Variants in CYFIP2 observed in about 807,000 individuals in gnomAD.
CYFIP2 encodes the protein cytoplasmic FMR1 interacting protein 2.
A neutral mutation model predicts 158.7 loss-of-function variants in CYFIP2; 29 were observed. The observed-to-expected ratio is 0.18, with a 90% CI of 0.14 to 0.25. CYFIP2 has a LOEUF of 0.25. Among genes scored for constraint, CYFIP2 ranks in the 10% least tolerant of loss-of-function variants. The pLI, the probability that CYFIP2 is intolerant of heterozygous loss-of-function variation, is 1.00. For missense variants in CYFIP2, 852 were observed against 1,639.5 expected (o/e 0.52, Z 8.29); for synonymous variants, 585 against 617.6 (o/e 0.95, Z 0.78).
intron 26 of CYFIP2, among the ~76,000 whole-genome samples, chr5:157,369,149 T>G (rs891819410): frequency 3.3e-5 from 5 of 152,118 alleles, no homozygotes; most frequent in Non-Finnish European, 7.4e-5. Context: ...CCACCTGCCT[T>G]GGCCTCCCAA....
At chr5:157,376,218 C>T (rs146434381) in intron 26 of CYFIP2, 1,977 of 152,432 alleles carry the variant, frequency 0.013, 23 homozygotes, top group Non-Finnish European at 0.015. Context: ...CTGCAAGGAA[C>T]TTGGTGGTGT....
intron 23 of CYFIP2, among the ~76,000 whole-genome samples, chr5:157,350,402 A>G (rs1489652339): frequency 6.6e-6 from 1 of 151,802 alleles, no homozygotes; most frequent in Non-Finnish European, 1.5e-5. Flanking sequence ...CCCGCTTTAT[A>G]TTTTTGTTTG....
Position 157,394,674 on chromosome 5 carries a change from G to A in CYFIP2, c.*1674G>A, listed in dbSNP as rs538482518. Reference sequence around the variant, plus strand: ...ACATCAATGTTTGGGAACCACTGCTGTAAGGGAATCATTCTGGTCACCTTG... The same window carrying A: ...ACATCAATGTTTGGGAACCACTGCTATAAGGGAATCATTCTGGTCACCTTG... On this transcript the variant is annotated 3_prime_UTR_variant, in exon 31 of 31. Transcript: ENST00000620254. 1.6e-3 allele frequency: 239 copies of A among 152,328 alleles called. 1 individual carries two copies. Among genetic ancestry groups the A allele is most frequent in the Non-Finnish European group, 3.2e-3 (217 of 68,046 alleles). 9.4% of individuals were successfully genotyped at this position (152,328 alleles called of 1,614,324 possible). A position where few individuals can be genotyped will look rare whatever the true frequency, so the allele number is the denominator to read the frequency against.
At chr5:157,304,472 T>A (rs1759049321) in intron 8 of CYFIP2, 106 bp downstream of exon 8, 1 of 1,325,520 alleles carries the variant, frequency 7.5e-7, no homozygotes, top group African/African-American at 1.5e-5. Flanking sequence ...TCTTAAACAT[T>A]GATACAGATC....
chr5:157,341,029 A>T, intron 22 of CYFIP2, 41 bp from the exon 23 acceptor site: 1 of 1,558,148 alleles, frequency 6.4e-7, no homozygotes, highest in Non-Finnish European at 8.9e-7. Flanking sequence ...GAATAATATT[A>T]GGACCATATT....
At chr5:157,291,712 C>G (rs1035291751) in intron 3 of CYFIP2, among the ~76,000 whole-genome samples, 2 of 152,160 alleles carry the variant, frequency 1.3e-5, no homozygotes, top group African/African-American at 2.4e-5. Context: ...TTAAAGTTCT[C>G]TAAATTAATC....
At chr5:157,313,932 T>TA (rs1175415351) in intron 11 of CYFIP2, among the ~76,000 whole-genome samples, 1 of 152,076 alleles carries the variant, frequency 6.6e-6, no homozygotes, top group Non-Finnish European at 1.5e-5. Context: ...GATTGCTTTG[T>TA]AAAAAATATT....
At chr5:157,357,265 T>G (rs1763474628) in intron 23 of CYFIP2, among the ~76,000 whole-genome samples, 2 of 152,248 alleles carry the variant, frequency 1.3e-5, no homozygotes, top group Non-Finnish European at 2.9e-5. Flanking sequence ...GATGCTTGTT[T>G]TGTAAAGTTT....
chr5:157,369,031 T>C (rs1354320387), intron 26 of CYFIP2, among the ~76,000 whole-genome samples: 1 of 151,896 alleles, frequency 6.6e-6, no homozygotes, highest in Non-Finnish European at 1.5e-5. Context: ...CCCAAGTAGC[T>C]GGGATCACAA....
intron 23 of CYFIP2, among the ~76,000 whole-genome samples, 187 bp from the exon 24 acceptor site, chr5:157,358,818 G>A (rs1204073187): frequency 3.9e-5 from 6 of 152,136 alleles, no homozygotes; most frequent in East Asian, 1.9e-4. Flanking sequence ...GTGACTGTGC[G>A]CCATCCTGTA....
At chr5:157,374,097 A>T (rs1765241220) in intron 26 of CYFIP2, among the ~76,000 whole-genome samples, 1 of 152,230 alleles carries the variant, frequency 6.6e-6, no homozygotes, top group Non-Finnish European at 1.5e-5. Flanking sequence ...AATCAAGAAC[A>T]GCAGATTTGT....
rs556705733 is a variant in CYFIP2, at chr5:157,337,185, C to T, written c.2386-1872C>T. On this transcript the variant is annotated intron_variant, in intron 21 of 30. Transcript: ENST00000620254. ...AGTGAATCAGAATAAAGACATATTC[C>T]AGCTAGCCAGGCCCCCAAGAGACAG... Among the ~76,000 whole-genome samples, 61 of 152,268 alleles carry T rather than the reference C, an allele frequency of 4.0e-4. 1 individual carries two copies. The highest frequency in any genetic ancestry group is 1.4e-3 in the African/African-American group (57 of 41,542).
At chr5:157,384,177 CGAT>C (rs774570942) in intron 28 of CYFIP2, 1 of 410,704 alleles carries the variant, frequency 2.4e-6, no homozygotes, top group Non-Finnish European at 4.9e-6. Flanking sequence ...GTACGAGTCA[CGAT>C]GAACATCAAG....
intron 26 of CYFIP2, among the ~76,000 whole-genome samples, 171 bp from the exon 27 acceptor site, chr5:157,382,419 A>T (rs1766217022): frequency 6.6e-6 from 1 of 152,232 alleles, no homozygotes; most frequent in Non-Finnish European, 1.5e-5. Context: ...TTTTGCAGAT[A>T]GATAAAAAGA....
At position 157,395,574 on chromosome 5, in the gene CYFIP2, G is replaced by T. The variant is rs750289344; in HGVS notation, c.*2574G>T. ...AAACATTTCCATCTTCATTAAAACT[G>T]CTTCCAAACTAGTAAAACCAGCAAC... On this transcript the variant is annotated 3_prime_UTR_variant, in exon 31 of 31. Transcript: ENST00000620254. 7.8e-7 allele frequency: 1 copy of T among 1,279,572 alleles called. No individual in the cohort carries two copies. The highest frequency in any genetic ancestry group is 1.2e-5 in the South Asian group (1 of 80,756). 79.3% of individuals were successfully genotyped at this position (1,279,572 alleles called of 1,614,324 possible). A position where few individuals can be genotyped will look rare whatever the true frequency, so the allele number is the denominator to read the frequency against.
chr5:157,385,931 A>G (rs1581202386), intron 28 of CYFIP2, among the ~76,000 whole-genome samples: 1 of 152,192 alleles, frequency 6.6e-6, no homozygotes, highest in South Asian at 2.1e-4. Flanking sequence ...AAAGAAATGG[A>G]TAAAAGCTAT....
chr5:157,294,700 A>G (rs1039283638), intron 3 of CYFIP2, 83 bp from the exon 4 acceptor site: 5 of 1,138,614 alleles, frequency 4.4e-6, no homozygotes, highest in Non-Finnish European at 6.5e-6. Flanking sequence ...GGACCATACC[A>G]TAACTAGTGA....
chr5:157,286,552 G>GTATATATA lies in CYFIP2; in HGVS notation c.118-447_118-440dup, dbSNP rs34826918. Among the ~76,000 whole-genome samples the GTATATATA allele has an allele frequency of 1.1e-3, 158 of 138,122 alleles. 2 individuals are homozygous for GTATATATA. The highest frequency in any genetic ancestry group is 3.3e-3 in the Admixed American group (45 of 13,830). The allele number at this position is 138,122 out of a possible 152,430, so 90.6% of individuals were successfully genotyped here. On this transcript the variant is annotated intron_variant, in intron 2 of 30. Coordinates refer to ENST00000620254, the MANE Select transcript of CYFIP2 (RefSeq NM_001037333.3). ...TCCATTTATGGATATGCTATTTTATGTATATATATATATATATATATATAT... is the reference window on the plus strand; with the variant it reads ...TCCATTTATGGATATGCTATTTTATGTATATATATATATATATATATATATATATATAT...
intron 23 of CYFIP2, among the ~76,000 whole-genome samples, chr5:157,352,414 C>G (rs1025786727): frequency 7.2e-5 from 11 of 152,216 alleles, no homozygotes; most frequent in African/African-American, 2.7e-4. Flanking sequence ...CCTGGGCTGA[C>G]CAGGGGAATC....
Sources: gnomAD v4.1 joint callset for allele counts (sites outside exome capture counted in the v4.1 genomes callset) on GRCh38, gnomAD v4.1.1 for gene constraint, MANE v1.5 for transcripts, NCBI Gene and HGNC (gene_info 2026-07-23, HGNC 2026-07-21) for gene names.